The following FOXJ2 variants were observed in gnomAD, a reference collection of about 807,000 sequenced individuals.
The protein encoded by FOXJ2 is forkhead box J2.
Under a neutral mutation model 68.4 loss-of-function variants are expected in FOXJ2, and 18 were observed. The ratio of observed to expected loss-of-function variants is 0.26; its 90% CI spans 0.18 to 0.39. The LOEUF (loss-of-function observed/expected upper bound fraction) is 0.39, where lower values mean the gene tolerates loss of function less well. Ranked by LOEUF, FOXJ2 falls within the 10% of genes least tolerant of loss-of-function variation. FOXJ2 has a pLI of 1.00. For missense variants in FOXJ2, 670 were observed against 726.5 expected (o/e 0.92, Z 0.89); for synonymous variants, 274 against 263.2 (o/e 1.04, Z -0.40).
chr12:8,049,212 G>A lies in FOXJ2; in HGVS notation c.1328-150G>A, dbSNP rs116552036. On this transcript the variant is annotated intron_variant, in intron 8 of 10. Coordinates refer to ENST00000162391, the MANE Select transcript of FOXJ2 (RefSeq NM_018416.3). The stretch of plus-strand genomic sequence containing the variant: ...TCAAATAGAATGAGAGTTTGAAAAT[G>A]CAGAGCTCTGAAAGATATAAATTGT... 1,471 of 634,440 alleles carry A rather than the reference G, an allele frequency of 2.3e-3. 15 individuals carry two copies. The highest frequency in any genetic ancestry group is 0.022 in the African/African-American group (1,229 of 55,278). The allele number at this position is 634,440 out of a possible 1,614,324, so 39.3% of individuals were successfully genotyped here.
Position 8,055,051 on chromosome 12 carries a change from G to A in FOXJ2, c.*2201G>A, listed in dbSNP as rs942107867. On this transcript the variant is annotated 3_prime_UTR_variant, in exon 11 of 11. Transcript: ENST00000162391. ...GTCTGGGACTGGAGATTGGCCATTA[G>A]GCCTCCTGAGATTCCAGCTCCCTTC... 2.6e-5 allele frequency: 4 copies of A among 152,250 alleles called. No individual in the cohort carries two copies. Among genetic ancestry groups the A allele is most frequent in the African/African-American group, 9.6e-5 (4 of 41,458 alleles). 9.4% of individuals were successfully genotyped at this position (152,250 alleles called of 1,614,324 possible). A position where few individuals can be genotyped will look rare whatever the true frequency, so the allele number is the denominator to read the frequency against.
rs1370310748 is a variant in FOXJ2 at position 8,054,243 on chromosome 12, C to G, written c.*1393C>G. On this transcript the variant is annotated 3_prime_UTR_variant, in exon 11 of 11. Transcript: ENST00000162391. ...AGAAAAAGGTATGGAGCTAACTCAT[C>G]TCTTTTACAAGGGGTGGCCATGACT... 1 of 152,200 alleles carries G rather than the reference C, an allele frequency of 6.6e-6. No individual in the cohort carries two copies. The highest frequency in any genetic ancestry group is 2.4e-5 in the African/African-American group (1 of 41,438). The allele number at this position is 152,200 out of a possible 1,614,324, so 9.4% of individuals were successfully genotyped here.
intron 1 of FOXJ2, among the ~76,000 whole-genome samples, chr12:8,036,866 A>G (rs761078179): frequency 1.3e-5 from 2 of 152,170 alleles, no homozygotes; most frequent in African/African-American, 2.4e-5. Context: ...AGATGGGTAG[A>G]TCACCTGAGG....
intron 5 of FOXJ2, 130 bp downstream of exon 5, chr12:8,044,221 G>C: frequency 9.0e-7 from 1 of 1,111,090 alleles, no homozygotes; most frequent in Non-Finnish European, 1.2e-6. Flanking sequence ...GAAGGGGAAG[G>C]CAAAAGAGGG....
At chr12:8,045,036 C>T in intron 6 of FOXJ2, 78 bp downstream of exon 6, 1 of 1,418,746 alleles carries the variant, frequency 7.0e-7, no homozygotes, top group Non-Finnish European at 9.7e-7. Context: ...TCTTTTTTCC[C>T]TTAGTTTTTT....
intron 10 of FOXJ2, among the ~76,000 whole-genome samples, chr12:8,051,680 C>T (rs1307166359): frequency 6.6e-6 from 1 of 152,076 alleles, no homozygotes; most frequent in East Asian, 1.9e-4. Flanking sequence ...GGCAGGGAGA[C>T]ACTAAATTGC....
At position 8,049,527 on chromosome 12, in the gene FOXJ2, C is replaced by T. The variant is rs1565630926; in HGVS notation, c.1493C>T (p.Ser498Phe). The T allele has an allele frequency of 2.5e-6, 4 of 1,613,156 alleles. No homozygotes were observed. The highest frequency in any genetic ancestry group is 3.4e-6 in the Non-Finnish European group (4 of 1,179,274). The part of the protein sequence containing the change: ...RPPAPARIAD[S>F]CALTSGKQES... The stretch of plus-strand genomic sequence containing the variant: ...CCAGCCCCTGCCCGTATTGCTGACT[C>T]CTGTGCCCTCACCAGTGGCAAACAG... The change falls in exon 9 of 11, where the codon TCC becomes TTC. Residue 498 changes from serine (S) to phenylalanine (F), a missense_variant. Ser to Phe is a radical substitution (Grantham distance 155). Around this residue, in one of 2 missense-constraint regions of FOXJ2, gnomAD observed 555 missense variants for 562.2 expected, o/e 0.99. Transcript: ENST00000162391.
chr12:8,042,803 T>A, intron 3 of FOXJ2, 71 bp downstream of exon 3: 1 of 1,260,338 alleles, frequency 7.9e-7, no homozygotes, highest in Non-Finnish European at 1.2e-6. Context: ...TCCAGAGTCC[T>A]GTGGCTGTTT....
chr12:8,044,216 G>A, intron 5 of FOXJ2, 125 bp downstream of exon 5: 1 of 1,188,568 alleles, frequency 8.4e-7, no homozygotes, highest in Non-Finnish European at 1.1e-6. Context: ...AGAAGGAAGG[G>A]GAAGGCAAAA....
chr12:8,042,520 A>G, intron 2 of FOXJ2, 138 bp from the exon 3 acceptor site: 1 of 636,206 alleles, frequency 1.6e-6, no homozygotes. Flanking sequence ...CCATCGGTGT[A>G]GTTAAGAGGT....
chr12:8,035,425 A>G lies in FOXJ2; in HGVS notation c.-15+1592A>G, dbSNP rs1393422614. On this transcript the variant is annotated intron_variant, in intron 1 of 10. Transcript: ENST00000162391. The surrounding 1 kb of genome is among the most constrained non-coding windows in gnomAD (Gnocchi z 4.0). Reference sequence around the variant, plus strand: ...TTAAGCAGCAGGGCAACCCAGTCTCAGGCTGGGATCATTTCTTCTAGGACT... The same window carrying G: ...TTAAGCAGCAGGGCAACCCAGTCTCGGGCTGGGATCATTTCTTCTAGGACT... 1.3e-5 allele frequency among the ~76,000 whole-genome samples: 2 copies of G among 152,130 alleles called. No individual in the cohort carries two copies. Among genetic ancestry groups the G allele is most frequent in the East Asian group, 3.9e-4 (2 of 5,192 alleles).
chr12:8,049,496 C>T lies in FOXJ2; in HGVS notation c.1462C>T (p.Arg488Cys), dbSNP rs140454174. The change falls in exon 9 of 11, where the codon CGC (arginine) becomes TGC (cysteine). Residue 488 changes from arginine (R) to cysteine (C), a missense_variant. Arg to Cys is a radical substitution (Grantham distance 180). Coordinates refer to ENST00000162391, the MANE Select transcript of FOXJ2 (RefSeq NM_018416.3). ...CGTGCCCCCTCAAGGGGGTACCCAC[C>T]GCCCACCAGCCCCTGCCCGTATTGC... Reference protein sequence around the residue: ...GHVPPQGGTHRPPAPARIADS... With the variant: ...GHVPPQGGTHCPPAPARIADS... 8.1e-6 allele frequency: 13 copies of T among 1,613,916 alleles called. No individual in the cohort carries two copies. Among genetic ancestry groups the T allele is most frequent in the East Asian group, 2.2e-5 (1 of 44,888 alleles).
At position 8,040,233 on chromosome 12, in the gene FOXJ2, G is replaced by T. The variant is rs1946947790; in HGVS notation, c.333+68G>T. 1 of 1,478,992 alleles carries T rather than the reference G, an allele frequency of 6.8e-7. No homozygotes were observed. The highest frequency in any genetic ancestry group is 1.4e-5 in the African/African-American group (1 of 71,886). 91.6% of individuals were successfully genotyped at this position (1,478,992 alleles called of 1,614,324 possible). A position where few individuals can be genotyped will look rare whatever the true frequency, so the allele number is the denominator to read the frequency against. ...CAGCCTTTTTAGAGAAAAAGGTTTTGTTTCTTCTTGTAACCTGTTCAGTTT... is the reference window on the plus strand; with the variant it reads ...CAGCCTTTTTAGAGAAAAAGGTTTTTTTTCTTCTTGTAACCTGTTCAGTTT... On this transcript the variant is annotated intron_variant, in intron 2 of 10. Transcript: ENST00000162391. The surrounding 1 kb of genome is among the most constrained non-coding windows in gnomAD (Gnocchi z 4.0).
rs148038108 is a variant in FOXJ2, at chr12:8,050,610, C to T, written c.1626C>T (p.Tyr542=). The change falls in exon 10 of 11, where the codon TAC becomes TAT. Residue 542 remains tyrosine, a synonymous_variant. Coordinates refer to ENST00000162391, the MANE Select transcript of FOXJ2 (RefSeq NM_018416.3). ...YPIPTQDSAG[Y]NRPAHHMVPR... ...TCCCCACCCAGGACTCAGCAGGATA[C>T]AATCGCCCAGGTAAGAGCTAAGAAG... 4.8e-4 allele frequency: 768 copies of T among 1,613,942 alleles called. 1 individual carries two copies. Among genetic ancestry groups the T allele is most frequent in the Non-Finnish European group, 6.3e-4 (744 of 1,180,002 alleles).
chr12:8,037,728 C>T (rs1394965602), intron 1 of FOXJ2, among the ~76,000 whole-genome samples: 1 of 152,082 alleles, frequency 6.6e-6, no homozygotes, highest in Non-Finnish European at 1.5e-5. Flanking sequence ...CAGGAGGACC[C>T]TGGTCATTGG....
intron 10 of FOXJ2, among the ~76,000 whole-genome samples, chr12:8,051,476 G>A (rs1193611037): frequency 1.3e-5 from 2 of 152,180 alleles, no homozygotes; most frequent in Non-Finnish European, 2.9e-5. Flanking sequence ...GGAAGTGAAA[G>A]CATACATATA....
chr12:8,040,562 C>T lies in FOXJ2; in HGVS notation c.333+397C>T, dbSNP rs1946952500. On this transcript the variant is annotated intron_variant, in intron 2 of 10. Coordinates refer to ENST00000162391, the MANE Select transcript of FOXJ2 (RefSeq NM_018416.3). The surrounding 1 kb of genome is among the most constrained non-coding windows in gnomAD (Gnocchi z 4.0). ...TCAGCTTCCTGAGTAGTTGGGATTA[C>T]AGGTGCCCGCCACCGTGCCCGGCTG... Among the ~76,000 whole-genome samples the T allele has an allele frequency of 6.6e-6, 1 of 152,086 alleles. No individual in the cohort carries two copies. Among genetic ancestry groups the T allele is most frequent in the South Asian group, 2.1e-4 (1 of 4,814 alleles).
chr12:8,043,925 G>T, intron 4 of FOXJ2, 26 bp from the exon 5 acceptor site: 1 of 1,550,286 alleles, frequency 6.5e-7, no homozygotes, highest in Non-Finnish European at 8.7e-7. Flanking sequence ...TCTGCTTATA[G>T]ATTTCTTTTT....
At chr12:8,052,654 C>T (rs1432408198) in intron 10 of FOXJ2, 108 bp from the exon 11 acceptor site, 1 of 906,480 alleles carries the variant, frequency 1.1e-6, no homozygotes, top group Non-Finnish European at 1.7e-6. Context: ...GCGATAGCCT[C>T]ACAAGGCCTT....
Sources: allele counts gnomAD v4.1 joint callset (sites outside exome capture counted in the v4.1 genomes callset), GRCh38; gene constraint gnomAD v4.1.1; regional missense constraint gnomAD v4.1.1; non-coding constraint Gnocchi (gnomAD v3.1); transcripts MANE v1.5; gene names NCBI Gene and HGNC (gene_info 2026-07-23, HGNC 2026-07-21).